Variants in ACOXL observed in about 807,000 individuals in gnomAD.
ACOXL encodes the protein acyl-CoA oxidase like, also known as acyl-coenzyme A oxidase-like protein.
ACOXL carries 70 observed loss-of-function variants against 71.9 expected under a neutral mutation model. That is an observed-to-expected ratio of 0.97 (90% CI 0.80 to 1.19). The LOEUF is 1.19. Ranked by LOEUF, ACOXL falls within the 50% of genes most tolerant of loss-of-function variation. ACOXL has a pLI of 0.00. For missense variants in ACOXL, 703 were observed against 736.3 expected, an observed-to-expected ratio of 0.95 and a Z score of 0.52; for synonymous variants, 253 against 281.6, an observed-to-expected ratio of 0.90 and a Z score of 1.02.
chr2:110,963,737 A>G, intron 12 of ACOXL: 1 of 1,613,280 alleles, frequency 6.2e-7, no homozygotes, highest in Non-Finnish European at 8.5e-7. Flanking sequence ...AATGTTTTCA[A>G]GATCAAGAGT....
At chr2:110,835,862 A>C (rs1457715069) in intron 9 of ACOXL, among the ~76,000 whole-genome samples, 1 of 152,102 alleles carries the variant, frequency 6.6e-6, no homozygotes, top group African/African-American at 2.4e-5. Context: ...TGCATTTCTC[A>C]CAAGTTCCCA....
intron 9 of ACOXL, among the ~76,000 whole-genome samples, chr2:110,831,881 A>G (rs1204099917): frequency 6.6e-6 from 1 of 152,244 alleles, no homozygotes; most frequent in African/African-American, 2.4e-5. Context: ...CACACATGAA[A>G]AAACAAGCCT....
intron 1 of ACOXL, among the ~76,000 whole-genome samples, chr2:110,738,969 A>G (rs1314374751): frequency 1.3e-5 from 2 of 152,198 alleles, no homozygotes; most frequent in East Asian, 3.9e-4. Flanking sequence ...CTTTTTCAAC[A>G]GCATCTGTTC....
intron 3 of ACOXL, among the ~76,000 whole-genome samples, chr2:110,785,897 C>T (rs574705130): frequency 1.6e-4 from 24 of 152,300 alleles, no homozygotes; most frequent in African/African-American, 5.3e-4. Context: ...AGCATGTAAT[C>T]GGATCCTGTG....
At chr2:110,782,721 A>G (rs1412642470) in intron 2 of ACOXL, among the ~76,000 whole-genome samples, 1 of 151,058 alleles carries the variant, frequency 6.6e-6, no homozygotes, top group Non-Finnish European at 1.5e-5. Context: ...ATTAATGGCA[A>G]AGTCATACTC....
At chr2:110,906,573 C>A (rs2149228001) in intron 10 of ACOXL, among the ~76,000 whole-genome samples, 4 of 122,900 alleles carry the variant, frequency 3.3e-5, no homozygotes, top group South Asian at 3.0e-4. Context: ...TATTATCGTA[C>A]TTATTTTTCA....
At chr2:110,745,701 G>T (rs114631439) in intron 1 of ACOXL, among the ~76,000 whole-genome samples, 2 of 152,168 alleles carry the variant, frequency 1.3e-5, no homozygotes, top group African/African-American at 2.4e-5. Context: ...GACGCTTGCC[G>T]ACTGATTCCA....
chr2:110,838,305 T>C (rs1404646343), intron 9 of ACOXL, among the ~76,000 whole-genome samples: 1 of 152,180 alleles, frequency 6.6e-6, no homozygotes, highest in Non-Finnish European at 1.5e-5. Flanking sequence ...AATGTGCATA[T>C]GTGCACTAGT....
intron 12 of ACOXL, among the ~76,000 whole-genome samples, chr2:110,977,311 G>A (rs990438815): frequency 2.0e-5 from 3 of 151,634 alleles, no homozygotes; most frequent in East Asian, 1.9e-4. Context: ...GCATGAACCC[G>A]GGAGGCAGAG....
chr2:110,770,072 C>G (rs1335747618), intron 2 of ACOXL, among the ~76,000 whole-genome samples: 3 of 151,986 alleles, frequency 2.0e-5, no homozygotes, highest in African/African-American at 7.3e-5. Context: ...ACAAAAAACC[C>G]AACACCACCC....
intron 14 of ACOXL, among the ~76,000 whole-genome samples, chr2:111,009,410 A>G (rs1171674342): frequency 1.3e-5 from 2 of 151,776 alleles, no homozygotes; most frequent in East Asian, 1.9e-4. Context: ...GCTACTCAGG[A>G]GGCTGAGGCA....
intron 10 of ACOXL, among the ~76,000 whole-genome samples, chr2:110,849,443 T>C (rs1573822141): frequency 6.6e-6 from 1 of 152,132 alleles, no homozygotes; most frequent in Non-Finnish European, 1.5e-5. Flanking sequence ...GGCAAGATAA[T>C]TCAAAAAATT....
At chr2:110,832,320 T>C (rs1345806102) in intron 9 of ACOXL, among the ~76,000 whole-genome samples, 1 of 151,780 alleles carries the variant, frequency 6.6e-6, no homozygotes, top group Admixed American at 6.6e-5. Context: ...GGGTGGATCA[T>C]GAGGTCAGGA....
At chr2:111,036,824 G>T (rs897738330) in intron 15 of ACOXL, 1 of 152,214 alleles carries the variant, frequency 6.6e-6, no homozygotes, top group Non-Finnish European at 1.5e-5. Flanking sequence ...GAGCGACGAA[G>T]CTTGTGGCCA....
intron 7 of ACOXL, among the ~76,000 whole-genome samples, chr2:110,800,190 A>G (rs1319986329): frequency 6.6e-6 from 1 of 152,196 alleles, no homozygotes; most frequent in Non-Finnish European, 1.5e-5. Flanking sequence ...AAGAGCTGTA[A>G]CACTCACCAT....
chr2:110,910,298 A>G (rs1025501602), intron 11 of ACOXL, among the ~76,000 whole-genome samples: 15 of 152,158 alleles, frequency 9.9e-5, no homozygotes, highest in African/African-American at 2.4e-4. Context: ...ATGTTCCTCA[A>G]TGTTGTGGAT....
chr2:110,903,471 T>G (rs892211501), intron 10 of ACOXL, among the ~76,000 whole-genome samples: 4 of 152,266 alleles, frequency 2.6e-5, no homozygotes, highest in African/African-American at 9.6e-5. Context: ...GAGCCCGGCT[T>G]TATTCTCACA....
chr2:110,990,293 T>A (rs1481597189), intron 13 of ACOXL, among the ~76,000 whole-genome samples: 1 of 152,230 alleles, frequency 6.6e-6, no homozygotes, highest in Non-Finnish European at 1.5e-5. Flanking sequence ...GGTTACTTTA[T>A]AATTTTGTTG....
Position 110,830,588 on chromosome 2 carries a change from C to CA in ACOXL, c.754-10782dup, listed in dbSNP as rs530189999. The stretch of plus-strand genomic sequence containing the variant: ...TTGGTTTGTGCCCCAGGCTGGAGTG[C>CA]AGTGGCGCAATCTCGGCTCACTGCA... On this transcript the variant is annotated intron_variant, in intron 9 of 17. Coordinates refer to ENST00000439055, the MANE Select transcript of ACOXL (RefSeq NM_001142807.4). Among the ~76,000 whole-genome samples, 223 of 151,792 alleles carry CA rather than the reference C, an allele frequency of 1.5e-3. 2 individuals carry two copies. Among genetic ancestry groups the CA allele is most frequent in the African/African-American group, 4.7e-3 (194 of 41,350 alleles).
Sources: gnomAD v4.1 joint callset for allele counts (sites outside exome capture counted in the v4.1 genomes callset) on GRCh38, gnomAD v4.1.1 for gene constraint, MANE v1.5 for transcripts, NCBI Gene and HGNC (gene_info 2026-07-23, HGNC 2026-07-21) for gene names.